Variants in CERS3 observed in about 807,000 individuals in gnomAD.
The protein encoded by CERS3 is ceramide synthase 3.
Under a neutral mutation model 50.3 loss-of-function variants are expected in CERS3, and 33 were observed. The observed-to-expected ratio is 0.66, with a 90% confidence interval of 0.50 to 0.88. CERS3 has a LOEUF of 0.88. Among genes scored for constraint, CERS3 ranks in the 40% least tolerant of loss-of-function variants. The pLI is 0.00. For missense variants in CERS3, 470 were observed against 460.3 expected (o/e 1.02, Z -0.19); for synonymous variants, 176 against 155.2 (o/e 1.13, Z -0.99).
intron 7 of CERS3, among the ~76,000 whole-genome samples, chr15:100,479,104 A>G (rs1439260482): frequency 6.6e-6 from 1 of 152,194 alleles, no homozygotes; most frequent in East Asian, 1.9e-4. Flanking sequence ...GGGATGAAAA[A>G]GAATAGTATT....
At chr15:100,449,298 C>T (rs1450223608) in intron 11 of CERS3, among the ~76,000 whole-genome samples, 1 of 152,232 alleles carries the variant, frequency 6.6e-6, no homozygotes, top group Non-Finnish European at 1.5e-5. Context: ...CCACTGCCAA[C>T]ACCAATGCAG....
chr15:100,420,666 T>A (rs1360931817), intron 11 of CERS3, among the ~76,000 whole-genome samples: 1 of 151,256 alleles, frequency 6.6e-6, no homozygotes, highest in Admixed American at 6.6e-5. Context: ...TGATGAACAT[T>A]GATGCAAAAA....
In CERS3 at chr15:100,402,049, G is replaced by C. The variant is rs1017311843; in HGVS notation, c.*664C>G. The C allele has an allele frequency of 2.0e-5, 3 of 152,240 alleles. No homozygotes were observed. Among genetic ancestry groups the C allele is most frequent in the Admixed American group, 2.0e-4 (3 of 15,284 alleles). The allele number at this position is 152,240 out of a possible 1,614,324, so 9.4% of individuals were successfully genotyped here. A position where few individuals can be genotyped will look rare whatever the true frequency, so the allele number is the denominator to read the frequency against. The stretch of plus-strand genomic sequence containing the variant: ...ATTCTGCCTTTTGTTCAGGCCCATT[G>C]CAGTGCCATGTTTAGCCAGGTTTCT... On this transcript the variant is annotated 3_prime_UTR_variant, in exon 12 of 12. Coordinates refer to ENST00000679737, the MANE Select transcript of CERS3 (RefSeq NM_001378789.1).
At chr15:100,479,067 G>C (rs2035221582) in intron 7 of CERS3, among the ~76,000 whole-genome samples, 1 of 152,016 alleles carries the variant, frequency 6.6e-6, no homozygotes, top group Non-Finnish European at 1.5e-5. Flanking sequence ...AAGAACAAAA[G>C]CATGTGTAAC....
intron 10 of CERS3, among the ~76,000 whole-genome samples, chr15:100,460,461 T>G (rs1369186360): frequency 1.3e-5 from 2 of 152,220 alleles, no homozygotes; most frequent in South Asian, 4.1e-4. Context: ...AAATGATACA[T>G]GTAAAAACCT....
At chr15:100,459,409 C>T (rs917767037) in intron 10 of CERS3, among the ~76,000 whole-genome samples, 1 of 152,192 alleles carries the variant, frequency 6.6e-6, no homozygotes, top group Non-Finnish European at 1.5e-5. Flanking sequence ...AATCCTCCAA[C>T]CTCAGCCACC....
chr15:100,468,560 C>A (rs886260341), intron 10 of CERS3, among the ~76,000 whole-genome samples: 1 of 152,154 alleles, frequency 6.6e-6, no homozygotes, highest in African/African-American at 2.4e-5. Context: ...CCATCCATTT[C>A]CCCTGCATCT....
intron 5 of CERS3, among the ~76,000 whole-genome samples, chr15:100,481,700 G>A (rs2035305893): frequency 6.6e-6 from 1 of 152,170 alleles, no homozygotes; most frequent in African/African-American, 2.4e-5. Flanking sequence ...TATCCTAAAG[G>A]AAATTGAAGC....
At chr15:100,447,325 A>T (rs898641510) in intron 11 of CERS3, among the ~76,000 whole-genome samples, 4 of 152,238 alleles carry the variant, frequency 2.6e-5, no homozygotes, top group Non-Finnish European at 5.9e-5. Flanking sequence ...TGCCAATCAG[A>T]AAAATCTCTG....
chr15:100,406,553 G>C lies in CERS3; in HGVS notation c.1000-3688C>G, dbSNP rs139434273. Among the ~76,000 whole-genome samples, 564 of 152,128 alleles carry C rather than the reference G, an allele frequency of 3.7e-3. 3 individuals carry two copies. The highest frequency in any genetic ancestry group is 0.012 in the African/African-American group (491 of 41,492). Reference sequence around the variant, plus strand: ...TGCTTTTCCACAACACCACAGAAAGGGTGTCAAAATGAACAAGCCTCCTTG... The same window carrying C: ...TGCTTTTCCACAACACCACAGAAAGCGTGTCAAAATGAACAAGCCTCCTTG... On this transcript the variant is annotated intron_variant, in intron 11 of 11. Transcript: ENST00000679737.
rs757360864 is a variant in CERS3 at position 100,480,090 on chromosome 15, T to A, written c.408-44A>T. 7.0e-6 allele frequency: 10 copies of A among 1,418,714 alleles called. No homozygotes were observed. In the East Asian group the frequency reaches 2.3e-4, roughly 32 times the overall value. The allele number at this position is 1,418,714 out of a possible 1,614,324, so 87.9% of individuals were successfully genotyped here. On this transcript the variant is annotated intron_variant, in intron 5 of 11. Transcript: ENST00000679737. The stretch of plus-strand genomic sequence containing the variant: ...ATCTTTACTCCCTTGTAAAGGTAAC[T>A]GAGATTTGAGGAGAAAATGATTAGG...
At chr15:100,496,324 A>G (rs1030334146) in intron 3 of CERS3, among the ~76,000 whole-genome samples, 1 of 152,224 alleles carries the variant, frequency 6.6e-6, no homozygotes, top group Admixed American at 6.5e-5. Context: ...GTTATAGTAT[A>G]TATGTATGTT....
intron 1 of CERS3, among the ~76,000 whole-genome samples, chr15:100,536,499 G>A (rs1386017852): frequency 6.6e-6 from 1 of 152,132 alleles, no homozygotes; most frequent in Non-Finnish European, 1.5e-5. Context: ...TGCCCAGGCT[G>A]GTCTCGAATT....
At chr15:100,406,285 G>A (rs750920034) in intron 11 of CERS3, among the ~76,000 whole-genome samples, 1 of 152,134 alleles carries the variant, frequency 6.6e-6, no homozygotes, top group Non-Finnish European at 1.5e-5. Context: ...AAAAAGATAT[G>A]GAAGATGAAG....
intron 5 of CERS3, among the ~76,000 whole-genome samples, chr15:100,483,766 A>T (rs1461956585): frequency 5.3e-3 from 121 of 22,918 alleles, no homozygotes; most frequent in Non-Finnish European, 8.4e-3. Flanking sequence ...AGGATCAATA[A>T]TAATAATAAT....
intron 1 of CERS3, among the ~76,000 whole-genome samples, chr15:100,543,481 GGCTT>G (rs753709206): frequency 8.8e-6 from 1 of 114,114 alleles, no homozygotes; most frequent in South Asian, 2.7e-4. Context: ...CACAAGAGAA[GGCTT>G]CCTTCCTTCC....
At chr15:100,491,569 C>G (rs2035652568) in intron 3 of CERS3, among the ~76,000 whole-genome samples, 1 of 152,100 alleles carries the variant, frequency 6.6e-6, no homozygotes, top group Non-Finnish European at 1.5e-5. Context: ...TGATTTTCCA[C>G]TATAATCTTT....
intron 1 of CERS3, among the ~76,000 whole-genome samples, chr15:100,522,826 T>C (rs1033035151): frequency 6.6e-6 from 1 of 152,212 alleles, no homozygotes; most frequent in African/African-American, 2.4e-5. Flanking sequence ...CGTGAATGCA[T>C]TTCTGTAGAA....
chr15:100,533,396 C>A (rs1227005318), upstream of CERS3, among the ~76,000 whole-genome samples: 2 of 152,118 alleles, frequency 1.3e-5, no homozygotes, highest in Non-Finnish European at 2.9e-5. Flanking sequence ...TGACAGAGTA[C>A]ATTTATGTAT....
Sources: allele counts gnomAD v4.1 joint callset (sites outside exome capture counted in the v4.1 genomes callset), GRCh38; gene constraint gnomAD v4.1.1; transcripts MANE v1.5; gene names NCBI Gene and HGNC (gene_info 2026-07-23, HGNC 2026-07-21).